SPECC1: variants seen among roughly 807,000 people sequenced by gnomAD.
SPECC1 encodes the protein sperm antigen with calponin homology and coiled-coil domains 1.
A neutral mutation model predicts 104.1 loss-of-function variants in SPECC1; 62 were observed. That is an observed-to-expected ratio of 0.60 (90% confidence interval 0.49 to 0.74). The LOEUF (loss-of-function observed/expected upper bound fraction) is 0.74, where lower values mean the gene tolerates loss of function less well. Among genes scored for constraint, SPECC1 ranks in the 30% least tolerant of loss-of-function variants. The pLI is 0.00. For missense variants in SPECC1, 1,306 were observed against 1,310.5 expected (o/e 1.00, Z 0.05); for synonymous variants, 513 against 501.6 (o/e 1.02, Z -0.30).
intron 7 of SPECC1, chr17:20,239,507 C>T (rs2039095537): frequency 6.1e-6 from 1 of 164,156 alleles, no homozygotes; most frequent in African/African-American, 2.4e-5. Flanking sequence ...ATTTTAAGAG[C>T]AACATGACCT....
intron 1 of SPECC1, among the ~76,000 whole-genome samples, chr17:20,018,589 G>T (rs535921370): frequency 4.3e-4 from 65 of 152,306 alleles, no homozygotes; most frequent in African/African-American, 1.4e-3. Flanking sequence ...TGTGTTGGGG[G>T]CCCCCAGGAC....
chr17:20,059,413 A>G (rs371629252), intron 1 of SPECC1, among the ~76,000 whole-genome samples: 40 of 152,278 alleles, frequency 2.6e-4, no homozygotes, highest in African/African-American at 8.7e-4. Flanking sequence ...GGTGAAGCCC[A>G]GGTGGTAATG....
intron 14 of SPECC1, among the ~76,000 whole-genome samples, chr17:20,308,023 G>C (rs1028124348): frequency 6.6e-6 from 1 of 152,224 alleles, no homozygotes; most frequent in East Asian, 1.9e-4. Flanking sequence ...GATGATGAAT[G>C]GTCAATGAGG....
intron 1 of SPECC1, among the ~76,000 whole-genome samples, chr17:20,023,197 A>G (rs1177511469): frequency 6.6e-6 from 1 of 152,210 alleles, no homozygotes; most frequent in Non-Finnish European, 1.5e-5. Context: ...GAAAGCTGCT[A>G]TAGGTTGTAT....
At chr17:20,107,105 C>T (rs1178724121) in intron 2 of SPECC1, among the ~76,000 whole-genome samples, 1 of 134,060 alleles carries the variant, frequency 7.5e-6, no homozygotes, top group Admixed American at 8.4e-5. Context: ...GATCGCATCA[C>T]GGCACTCCAG....
At chr17:20,055,251 G>A (rs1201057254) in intron 1 of SPECC1, among the ~76,000 whole-genome samples, 1 of 134,646 alleles carries the variant, frequency 7.4e-6, no homozygotes, top group Admixed American at 7.9e-5. Flanking sequence ...GCTGTTGCAT[G>A]TTATAGAATT....
At chr17:20,301,760 C>T (rs2041593101) in intron 13 of SPECC1, among the ~76,000 whole-genome samples, 1 of 152,154 alleles carries the variant, frequency 6.6e-6, no homozygotes, top group Admixed American at 6.5e-5. Flanking sequence ...GGCTGGAGCG[C>T]AGTGGTACCA....
At chr17:20,188,862 C>T (rs981387992) in intron 3 of SPECC1, among the ~76,000 whole-genome samples, 1 of 152,072 alleles carries the variant, frequency 6.6e-6, no homozygotes, top group African/African-American at 2.4e-5. Flanking sequence ...ACTCCCACCC[C>T]CAAAGTGATA....
Position 20,201,311 on chromosome 17 carries a change from C to A in SPECC1, c.284-3022C>A, listed in dbSNP as rs7218383. On this transcript the variant is annotated intron_variant, in intron 3 of 14. Transcript: ENST00000395527. Reference sequence around the variant, plus strand: ...CCCATCTCTACTAAAAAAAAAAAAACAAAAAAACGAAATACAGTAAATTAG... The same window carrying A: ...CCCATCTCTACTAAAAAAAAAAAAAAAAAAAAACGAAATACAGTAAATTAG... 6.7e-3 allele frequency among the ~76,000 whole-genome samples: 983 copies of A among 147,294 alleles called. 10 individuals are homozygous for A. Among genetic ancestry groups the A allele is most frequent in the African/African-American group, 0.023 (896 of 39,442 alleles).
At chr17:20,214,865 T>C (rs1228088395) in intron 4 of SPECC1, among the ~76,000 whole-genome samples, 1 of 152,166 alleles carries the variant, frequency 6.6e-6, no homozygotes, top group Non-Finnish European at 1.5e-5. Flanking sequence ...GTCAGGTGAC[T>C]GATTTGATGT....
Position 20,112,161 on chromosome 17 carries a change from T to C in SPECC1, c.283+1599T>C, listed in dbSNP as rs1330559445. On this transcript the variant is annotated intron_variant, in intron 3 of 14. Transcript: ENST00000395527. ...GCACTTTAGTGAATAAAGAACCTGA[T>C]AGTATGCTGGCCCACATGTTTAAGG... 188 of 763,126 alleles carry C rather than the reference T, an allele frequency of 2.5e-4. 1 individual carries two copies. The highest frequency in any genetic ancestry group is 2.4e-5 in the Non-Finnish European group (10 of 408,258). 47.3% of individuals were successfully genotyped at this position (763,126 alleles called of 1,614,324 possible). A position where few individuals can be genotyped will look rare whatever the true frequency, so the allele number is the denominator to read the frequency against.
intron 3 of SPECC1, among the ~76,000 whole-genome samples, chr17:20,140,775 A>T (rs2030679786): frequency 6.6e-6 from 1 of 152,204 alleles, no homozygotes; most frequent in Non-Finnish European, 1.5e-5. Flanking sequence ...TTCAGTAGAG[A>T]GTGCATAAGA....
chr17:20,229,566 C>G (rs539743820), intron 5 of SPECC1, among the ~76,000 whole-genome samples: 1 of 152,276 alleles, frequency 6.6e-6, no homozygotes, highest in South Asian at 2.1e-4. Flanking sequence ...CCCAGCTTCT[C>G]TGGAGGCTGA....
intron 3 of SPECC1, among the ~76,000 whole-genome samples, chr17:20,182,800 G>C (rs139086683): frequency 3.2e-4 from 49 of 152,306 alleles, no homozygotes; most frequent in Non-Finnish European, 6.0e-4. Context: ...CATGATACCT[G>C]CACTGCCTGT....
At chr17:20,028,629 T>G (rs1432838329) in intron 1 of SPECC1, among the ~76,000 whole-genome samples, 2 of 152,356 alleles carry the variant, frequency 1.3e-5, no homozygotes, top group East Asian at 3.9e-4. Context: ...TCGTAACATT[T>G]GCAATTGGCA....
At chr17:20,284,537 G>A (rs995110574) in intron 12 of SPECC1, among the ~76,000 whole-genome samples, 26 of 152,222 alleles carry the variant, frequency 1.7e-4, no homozygotes, top group Admixed American at 1.4e-3. Flanking sequence ...CTGAATGCAC[G>A]GCAGGGAAGG....
At chr17:20,102,190 T>C (rs2047976032) in intron 2 of SPECC1, among the ~76,000 whole-genome samples, 1 of 152,250 alleles carries the variant, frequency 6.6e-6, no homozygotes, top group Non-Finnish European at 1.5e-5. Context: ...TAACTGAGAC[T>C]GGTAGCTTTC....
chr17:20,137,945 G>A (rs2030229985), intron 3 of SPECC1, among the ~76,000 whole-genome samples: 1 of 150,918 alleles, frequency 6.6e-6, no homozygotes, highest in East Asian at 2.0e-4. Flanking sequence ...GATTACAGGC[G>A]TGAGCCACCG....
intron 1 of SPECC1, among the ~76,000 whole-genome samples, chr17:20,046,490 G>C (rs998733672): frequency 1.3e-5 from 2 of 152,126 alleles, no homozygotes; most frequent in Non-Finnish European, 2.9e-5. Flanking sequence ...TGAATAAATA[G>C]ACAGAAATCC....
Sources: gnomAD v4.1 joint callset for allele counts (sites outside exome capture counted in the v4.1 genomes callset) on GRCh38, gnomAD v4.1.1 for gene constraint, MANE v1.5 for transcripts, NCBI Gene and HGNC (gene_info 2026-07-23, HGNC 2026-07-21) for gene names.